Variants in MTUS1 observed in about 807,000 individuals in gnomAD.
MTUS1 encodes microtubule associated scaffold protein 1, also known as microtubule-associated tumor suppressor 1.
Under a neutral mutation model 120.8 loss-of-function variants are expected in MTUS1, and 109 were observed. The observed-to-expected ratio is 0.90, with a 90% CI of 0.77 to 1.06. The LOEUF is 1.06. Ranked by LOEUF, MTUS1 falls within the 50% of genes least tolerant of loss-of-function variation. MTUS1 has a pLI of 0.00. For synonymous variants in MTUS1, 737 were observed against 550.5 expected (o/e 1.34, Z -4.74); for missense variants, 2,210 against 1,486.3 (o/e 1.49, Z -8.01).
intron 3 of MTUS1, among the ~76,000 whole-genome samples, chr8:17,735,155 G>A (rs1267959369): frequency 2.6e-5 from 4 of 152,012 alleles, no homozygotes; most frequent in Admixed American, 1.3e-4. Flanking sequence ...TAAACCTCAG[G>A]CATGCACATA....
intron 8 of MTUS1, among the ~76,000 whole-genome samples, chr8:17,672,439 G>A (rs1293539546): frequency 6.6e-6 from 1 of 152,112 alleles, no homozygotes; most frequent in East Asian, 1.9e-4. Context: ...TGTGGCCCCG[G>A]ACAGTGTGAC....
intron 13 of MTUS1, among the ~76,000 whole-genome samples, chr8:17,648,955 G>A (rs1330627678): frequency 1.3e-5 from 2 of 152,210 alleles, no homozygotes; most frequent in Non-Finnish European, 2.9e-5. Flanking sequence ...TTTCAGGGCC[G>A]GGCCAAGACT....
chr8:17,745,887 G>A (rs1037707379), intron 2 of MTUS1, among the ~76,000 whole-genome samples: 3 of 152,150 alleles, frequency 2.0e-5, no homozygotes, highest in South Asian at 2.1e-4. Context: ...CTGGAGGAGG[G>A]ACCTGGTGGG....
chr8:17,797,354 A>T (rs114310978), intron 1 of MTUS1, among the ~76,000 whole-genome samples: 2,811 of 152,308 alleles, frequency 0.018, 72 homozygotes, highest in African/African-American at 0.064. Flanking sequence ...TGAAGGCTGC[A>T]GTAAGCTATG....
chr8:17,730,158 C>A (rs1563281792), intron 3 of MTUS1, among the ~76,000 whole-genome samples: 1 of 152,116 alleles, frequency 6.6e-6, no homozygotes, highest in Non-Finnish European at 1.5e-5. Flanking sequence ...AATCCAACAA[C>A]TGCATGTCTA....
chr8:17,749,669 A>AG (rs542471718), intron 2 of MTUS1, among the ~76,000 whole-genome samples: 14,184 of 151,132 alleles, frequency 0.094, 773 homozygotes, highest in South Asian at 0.16. Context: ...CAAAAAAAAA[A>AG]AAAAAAAAAG....
At chr8:17,728,816 T>A (rs768466354) in intron 3 of MTUS1, among the ~76,000 whole-genome samples, 1 of 152,092 alleles carries the variant, frequency 6.6e-6, no homozygotes, top group Non-Finnish European at 1.5e-5. Context: ...TTTTTTAGCA[T>A]TTACATCAGA....
At chr8:17,753,003 A>G (rs999307647) in intron 2 of MTUS1, among the ~76,000 whole-genome samples, 4 of 152,192 alleles carry the variant, frequency 2.6e-5, no homozygotes, top group Non-Finnish European at 5.9e-5. Context: ...TTTATTCTTT[A>G]AACAGCACTC....
At chr8:17,773,086 C>T (rs1396596428) in intron 1 of MTUS1, among the ~76,000 whole-genome samples, 2 of 152,082 alleles carry the variant, frequency 1.3e-5, no homozygotes, top group African/African-American at 4.8e-5. Flanking sequence ...TTAATTTAGG[C>T]TGAAGGACTA....
intron 3 of MTUS1, among the ~76,000 whole-genome samples, chr8:17,737,947 T>A (rs762770633): frequency 2.0e-5 from 3 of 152,204 alleles, no homozygotes; most frequent in Non-Finnish European, 4.4e-5. Context: ...TGAAGAAGAT[T>A]TGAAATTACC....
chr8:17,774,221 T>TTA (rs2050231095), intron 1 of MTUS1, among the ~76,000 whole-genome samples: 1 of 152,152 alleles, frequency 6.6e-6, no homozygotes, highest in Non-Finnish European at 1.5e-5. Context: ...TGAAACCCAT[T>TTA]TAAACCACAA....
intron 2 of MTUS1, among the ~76,000 whole-genome samples, chr8:17,744,907 G>C (rs115580722): frequency 6.6e-6 from 1 of 151,990 alleles, no homozygotes; most frequent in South Asian, 2.1e-4. Flanking sequence ...CCTACTTCAA[G>C]ATGTCTCATC....
chr8:17,708,821 T>G (rs1198039599), intron 6 of MTUS1: 2 of 152,164 alleles, frequency 1.3e-5, no homozygotes, highest in African/African-American at 2.4e-5. Context: ...TCTTCCTAGC[T>G]TTAAGAGCCT....
chr8:17,731,179 T>G (rs1416938223), intron 3 of MTUS1, among the ~76,000 whole-genome samples: 1 of 152,142 alleles, frequency 6.6e-6, no homozygotes. Context: ...CATACTTATT[T>G]GTGGTATTAA....
chr8:17,725,611 A>T (rs1279767966), intron 3 of MTUS1, among the ~76,000 whole-genome samples: 2 of 152,124 alleles, frequency 1.3e-5, no homozygotes, highest in Non-Finnish European at 1.5e-5. Flanking sequence ...CTGTCCTTCC[A>T]TCCCTTCCAA....
chr8:17,739,286 G>A (rs1031940433), intron 3 of MTUS1, among the ~76,000 whole-genome samples: 2 of 151,930 alleles, frequency 1.3e-5, no homozygotes, highest in Non-Finnish European at 2.9e-5. Context: ...CTGAGGTCGG[G>A]AGTTGGAGAC....
At chr8:17,763,717 T>G (rs1371533534) in intron 1 of MTUS1, among the ~76,000 whole-genome samples, 2 of 152,218 alleles carry the variant, frequency 1.3e-5, no homozygotes, top group Admixed American at 1.3e-4. Context: ...GAAACACAAG[T>G]AACTGTGGCT....
chr8:17,724,221 AT>A (rs1253778620), intron 3 of MTUS1: 4 of 406,064 alleles, frequency 9.9e-6, no homozygotes, highest in Non-Finnish European at 1.9e-5. Context: ...TAAAAAAAAA[AT>A]AATCCATTAG....
intron 6 of MTUS1, among the ~76,000 whole-genome samples, chr8:17,688,934 G>C (rs1196889850): frequency 6.6e-6 from 1 of 152,048 alleles, no homozygotes; most frequent in African/African-American, 2.4e-5. Flanking sequence ...AAGCCAGGCC[G>C]GGTGCGGTGG....
Sources: allele counts gnomAD v4.1 joint callset (sites outside exome capture counted in the v4.1 genomes callset), GRCh38; gene constraint gnomAD v4.1.1; transcripts MANE v1.5; gene names NCBI Gene and HGNC (gene_info 2026-07-23, HGNC 2026-07-21).